Variants in GLDC observed in about 807,000 individuals in gnomAD.
GLDC encodes glycine decarboxylase.
A neutral mutation model predicts 121.3 loss-of-function variants in GLDC; 104 were observed. The ratio of observed to expected loss-of-function variants is 0.86; its 90% CI spans 0.73 to 1.01. The LOEUF (loss-of-function observed/expected upper bound fraction) is 1.01. GLDC is among the 50% of genes least tolerant of loss of function. GLDC has a pLI of 0.00. For synonymous variants in GLDC, 546 were observed against 480.6 expected (o/e 1.14, Z -1.78); for missense variants, 1,429 against 1,306.6 (o/e 1.09, Z -1.44).
At chr9:6,555,109 G>A (rs1817595299) in intron 18 of GLDC, among the ~76,000 whole-genome samples, 1 of 152,234 alleles carries the variant, frequency 6.6e-6, no homozygotes, top group African/African-American at 2.4e-5. Context: ...ACACAAGAAA[G>A]GGCAGAACCT....
intron 15 of GLDC, among the ~76,000 whole-genome samples, chr9:6,576,581 C>G (rs1818069868): frequency 6.6e-6 from 1 of 152,154 alleles, no homozygotes; most frequent in African/African-American, 2.4e-5. Flanking sequence ...ATTGTCCTGC[C>G]TCAGCCTCCC....
At position 6,534,764 on chromosome 9, in the gene GLDC, C is replaced by T. The variant is rs148540696; in HGVS notation, c.2863G>A (p.Val955Ile). The T allele has an allele frequency of 1.2e-4, 194 of 1,605,748 alleles. 1 individual carries two copies. In the African/African-American group the frequency reaches 2.3e-3, roughly 19 times the overall value. Residue 955 changes from valine to isoleucine, a missense_variant, in exon 24 of 25, where the codon GTT becomes ATT. By Grantham distance (29) the Val-to-Ile change is conservative. Transcript: ENST00000321612. ...GGCCGGTCCCAGTGGGAAGATGTAA[C>T]GCAGGTCAGGGAGTGTGGAGACATC... Reference protein sequence around the residue: ...LKMSPHSLTCVTSSHWDRPYS... With the variant: ...LKMSPHSLTCITSSHWDRPYS...
intron 10 of GLDC, among the ~76,000 whole-genome samples, 177 bp downstream of exon 10, chr9:6,592,674 T>A (rs929462457): frequency 6.6e-6 from 1 of 152,232 alleles, no homozygotes; most frequent in Non-Finnish European, 1.5e-5. Flanking sequence ...AAAGGGTGAA[T>A]GATCCTTTAC....
chr9:6,644,062 A>AAC (rs1405827620), intron 2 of GLDC, among the ~76,000 whole-genome samples: 1 of 149,090 alleles, frequency 6.7e-6, no homozygotes, highest in East Asian at 2.0e-4. Flanking sequence ...GAAAAAAAAA[A>AAC]GAAAAGAAAA....
At chr9:6,601,454 C>G (rs1477903521) in intron 8 of GLDC, among the ~76,000 whole-genome samples, 1 of 152,120 alleles carries the variant, frequency 6.6e-6, no homozygotes, top group Non-Finnish European at 1.5e-5. Context: ...TTTGTCCTTT[C>G]TTACGCTTTG....
At chr9:6,569,502 A>G (rs1304133616) in intron 15 of GLDC, 1 of 152,060 alleles carries the variant, frequency 6.6e-6, no homozygotes, top group East Asian at 1.9e-4. Flanking sequence ...AAGTACAAAA[A>G]TTAGCTGGGT....
At chr9:6,560,149 G>A (rs533244338) in intron 16 of GLDC, among the ~76,000 whole-genome samples, 2 of 152,284 alleles carry the variant, frequency 1.3e-5, no homozygotes, top group African/African-American at 4.8e-5. Flanking sequence ...CAGTGGGAAA[G>A]TAAGTCAGAA....
chr9:6,556,718 G>A (rs902247196), intron 17 of GLDC, among the ~76,000 whole-genome samples: 4 of 151,860 alleles, frequency 2.6e-5, no homozygotes, highest in Middle Eastern at 3.2e-3. Context: ...TGCTTGAACC[G>A]GTGAGGTGGA....
At chr9:6,585,848 G>C (rs1320298715) in intron 15 of GLDC, among the ~76,000 whole-genome samples, 1 of 107,970 alleles carries the variant, frequency 9.3e-6, no homozygotes, top group Admixed American at 9.5e-5. Flanking sequence ...ATGTATGTAT[G>C]TATGTATGTA....
chr9:6,616,770 G>A (rs946331723), intron 3 of GLDC, among the ~76,000 whole-genome samples: 17 of 152,204 alleles, frequency 1.1e-4, no homozygotes, highest in Non-Finnish European at 2.4e-4. Flanking sequence ...TAGGATGCTT[G>A]ATATATTCAA....
chr9:6,622,322 G>T (rs182419934), intron 2 of GLDC, among the ~76,000 whole-genome samples: 1 of 150,234 alleles, frequency 6.7e-6, no homozygotes, highest in Non-Finnish European at 1.5e-5. Flanking sequence ...CTGCCATCTT[G>T]GCTCACTGCA....
chr9:6,593,019 C>T (rs751212361), intron 9 of GLDC, 29 bp from the exon 10 acceptor site: 1 of 1,613,158 alleles, frequency 6.2e-7, no homozygotes, highest in African/African-American at 1.3e-5. Context: ...CCCCCAAACT[C>T]TCATATAGAA....
chr9:6,541,259 G>C (rs1331162412), intron 21 of GLDC: 1 of 152,164 alleles, frequency 6.6e-6, no homozygotes, highest in Non-Finnish European at 1.5e-5. Flanking sequence ...TTAAGTCAGC[G>C]TTTTAATAAA....
At position 6,604,596 on chromosome 9, in the gene GLDC, C is replaced by T. The variant is rs771910050; in HGVS notation, c.1050G>A (p.Gly350=). The part of the protein sequence containing the change: ...LVRMMPGRMV[G]VTRDATGKEV... ...AACATGAGCCCCTTTACCTTGTTAC[C>T]CCCACCATTCTTCCAGGCATCATTC... The change falls in exon 7 of 25, where the codon GGG becomes GGA. Residue 350 remains glycine, a synonymous_variant. Coordinates refer to ENST00000321612, the MANE Select transcript of GLDC (RefSeq NM_000170.3). The T allele has an allele frequency of 2.5e-6, 4 of 1,611,818 alleles. No homozygotes were observed. Among genetic ancestry groups the T allele is most frequent in the South Asian group, 2.2e-5 (2 of 90,972 alleles).
chr9:6,572,726 G>T (rs1817990306), intron 15 of GLDC, among the ~76,000 whole-genome samples: 2 of 152,066 alleles, frequency 1.3e-5, no homozygotes, highest in African/African-American at 4.8e-5. Context: ...GCCTTTCTTG[G>T]GTCTTACTCA....
intron 2 of GLDC, among the ~76,000 whole-genome samples, chr9:6,628,338 C>T (rs925720357): frequency 6.6e-6 from 1 of 152,192 alleles, no homozygotes; most frequent in South Asian, 2.1e-4. Context: ...ATTTTCCCCC[C>T]AGAGCAAAGC....
At chr9:6,644,746 T>C in intron 1 of GLDC, 54 bp from the exon 2 acceptor site, 2 of 1,252,762 alleles carry the variant, frequency 1.6e-6, no homozygotes, top group East Asian at 2.3e-5. Flanking sequence ...AAGAGTCACC[T>C]CTGTGTTTTG....
intron 15 of GLDC, among the ~76,000 whole-genome samples, chr9:6,583,129 G>T (rs1046716784): frequency 6.6e-6 from 1 of 152,040 alleles, no homozygotes; most frequent in East Asian, 1.9e-4. Context: ...ATGTTAAATG[G>T]TGCAACCCCT....
chr9:6,604,872 G>T (rs1818698396), intron 6 of GLDC, 88 bp from the exon 7 acceptor site: 13 of 1,108,386 alleles, frequency 1.2e-5, no homozygotes, highest in Non-Finnish European at 1.8e-5. Context: ...ACTACAGGAA[G>T]ACGGGCAGAG....
Sources: gnomAD v4.1 joint callset for allele counts (sites outside exome capture counted in the v4.1 genomes callset) on GRCh38, gnomAD v4.1.1 for gene constraint, MANE v1.5 for transcripts, NCBI Gene and HGNC (gene_info 2026-07-23, HGNC 2026-07-21) for gene names.